SORBS3: variants seen among roughly 807,000 people sequenced by gnomAD.
SORBS3 encodes the protein vinexin.
In SORBS3, 69 loss-of-function variants were observed where a neutral mutation model predicts 98.0. That is an observed-to-expected ratio of 0.70 (90% CI 0.58 to 0.86). SORBS3 has a LOEUF of 0.86. SORBS3 is among the 40% of genes least tolerant of loss of function. The probability of loss-of-function intolerance (pLI) is 0.00; values close to 1 mark genes in which losing one functional copy is unlikely to be tolerated. For missense variants in SORBS3, 954 were observed against 908.5 expected (o/e 1.05, Z -0.64); for synonymous variants, 394 against 355.4 (o/e 1.11, Z -1.22).
Position 22,555,188 on chromosome 8 carries a change from C to A in SORBS3, c.220+208C>A, listed in dbSNP as rs960533932. On this transcript the variant is annotated intron_variant, in intron 3 of 20. Transcript: ENST00000240123. ...GAGACACCCGCTTGGGGAGAGCAGG[C>A]TGATGCATCCCTTCCCCTGCCCTCC... is the stretch of plus-strand genomic sequence containing the variant. 8.5e-5 allele frequency among the ~76,000 whole-genome samples: 13 copies of A among 152,218 alleles called. No individual in the cohort carries two copies. In the South Asian group the frequency reaches 2.1e-3, roughly 24 times the overall value.
chr8:22,564,386 T>C lies in SORBS3; in HGVS notation c.762+17T>C. On this transcript the variant is annotated intron_variant, in intron 9 of 20. Coordinates refer to ENST00000240123, the MANE Select transcript of SORBS3 (RefSeq NM_005775.5). ...GGGCAGAGGGTGAGTGCTGGCTGGC[T>C]CTCGGGGTGTGCACGCACCCTCAGC... The C allele has an allele frequency of 6.2e-7, 1 of 1,613,664 alleles. No homozygotes were observed.
chr8:22,557,361 T>C (rs1419228510), intron 4 of SORBS3, among the ~76,000 whole-genome samples: 1 of 152,228 alleles, frequency 6.6e-6, no homozygotes, highest in Non-Finnish European at 1.5e-5. Flanking sequence ...GGGGATACCC[T>C]GCCCTTTTCC....
At chr8:22,555,781 G>A (rs1315654385) in intron 3 of SORBS3, among the ~76,000 whole-genome samples, 1 of 151,628 alleles carries the variant, frequency 6.6e-6, no homozygotes, top group Non-Finnish European at 1.5e-5. Context: ...AACCTGGGAG[G>A]TGGAGGTTGC....
chr8:22,546,819 A>G (rs542209890), intron 1 of SORBS3, among the ~76,000 whole-genome samples: 62 of 152,298 alleles, frequency 4.1e-4, no homozygotes, highest in African/African-American at 1.4e-3. Context: ...TGCCTCTGAA[A>G]AGTAGAAATA....
At chr8:22,567,973 A>T (rs1488706295) in intron 16 of SORBS3, among the ~76,000 whole-genome samples, 2 of 151,502 alleles carry the variant, frequency 1.3e-5, no homozygotes, top group Admixed American at 6.6e-5. Context: ...CCAGCTTCCT[A>T]AGTAGCTGGG....
At chr8:22,546,077 G>C (rs970953277) in intron 1 of SORBS3, among the ~76,000 whole-genome samples, 2 of 152,174 alleles carry the variant, frequency 1.3e-5, no homozygotes, top group African/African-American at 4.8e-5. Context: ...CTTGTGCTTA[G>C]AGATTGCCTA....
intron 15 of SORBS3, 43 bp from the exon 16 acceptor site, chr8:22,567,018 G>C (rs747878181): frequency 6.3e-7 from 1 of 1,578,416 alleles, no homozygotes; most frequent in Admixed American, 1.7e-5. Flanking sequence ...AGGAGGCTTG[G>C]GAAGGCTTCA....
intron 19 of SORBS3, 22 bp downstream of exon 19, chr8:22,571,843 T>C: frequency 6.5e-7 from 1 of 1,529,854 alleles, no homozygotes; most frequent in Non-Finnish European, 9.1e-7. Flanking sequence ...CTGAGGGCTC[T>C]TGATCAGACG....
chr8:22,557,576 C>T lies in SORBS3; in HGVS notation c.415-553C>T, dbSNP rs111756110. 5.5e-3 allele frequency among the ~76,000 whole-genome samples: 841 copies of T among 152,032 alleles called. 8 individuals are homozygous for T. The highest frequency in any genetic ancestry group is 0.018 in the African/African-American group (741 of 41,452). On this transcript the variant is annotated intron_variant, in intron 4 of 20. Transcript: ENST00000240123. ...ATCCCAGCACTTTGGGAGGTCAAGG[C>T]GGGAGGATTGCTTGAAACCAAGAGT... is the stretch of plus-strand genomic sequence containing the variant.
Position 22,564,281 on chromosome 8 carries a change from A to T in SORBS3, c.676-2A>T. ...AGCTGACACCCACCCACCTCCACGC[A>T]GGTGCTCAGACGCCGGGAAAAAGTA... On this transcript the variant is annotated splice_acceptor_variant, in intron 8 of 20. Transcript: ENST00000240123. LOFTEE classifies it high-confidence loss of function. The T allele has an allele frequency of 6.3e-7, 1 of 1,588,694 alleles. No individual in the cohort carries two copies.
chr8:22,561,140 C>G (rs1840286830), intron 5 of SORBS3, 195 bp from the exon 6 acceptor site: 2 of 534,076 alleles, frequency 3.7e-6, no homozygotes, highest in Non-Finnish European at 6.4e-6. Flanking sequence ...AGGCCCCAAG[C>G]CTGCCAGAGG....
Position 22,571,751 on chromosome 8 carries a change from T to C in SORBS3, c.1777T>C (p.Ser593Pro), listed in dbSNP as rs1384501897. Reference sequence around the variant, plus strand: ...CACCCCTGGTCCAGCTCTGTCCCACTCTCGAGGTCCCAGCCATCCCCTGGA... The same window carrying C: ...CACCCCTGGTCCAGCTCTGTCCCACCCTCGAGGTCCCAGCCATCCCCTGGA... ...LGTPGPALSHSRGPSHPLDLG... is the reference protein window; with the variant it reads ...LGTPGPALSHPRGPSHPLDLG... The change falls in exon 19 of 21, where the codon TCT becomes CCT. Residue 593 changes from serine to proline, a missense_variant. Transcript: ENST00000240123. The C allele has an allele frequency of 1.2e-6, 2 of 1,613,718 alleles. No individual in the cohort carries two copies. Among genetic ancestry groups the C allele is most frequent in the African/African-American group, 1.3e-5 (1 of 74,860 alleles).
chr8:22,570,541 C>T (rs968121272), intron 17 of SORBS3, among the ~76,000 whole-genome samples: 2 of 152,208 alleles, frequency 1.3e-5, no homozygotes, highest in Non-Finnish European at 2.9e-5. Context: ...CTCAGAGAGA[C>T]AGAGCAGGCT....
chr8:22,564,135 C>G (rs1840353353), intron 8 of SORBS3, 58 bp downstream of exon 8: 2 of 1,549,284 alleles, frequency 1.3e-6, no homozygotes, highest in Non-Finnish European at 1.8e-6. Context: ...TGGCCAAGAC[C>G]CTATGCCACG....
At chr8:22,562,246 G>T (rs1840313010) in intron 7 of SORBS3, among the ~76,000 whole-genome samples, 1 of 152,232 alleles carries the variant, frequency 6.6e-6, no homozygotes, top group Admixed American at 6.5e-5. Context: ...CCGGTCTTAT[G>T]AGACCGGGAG....
At chr8:22,550,547 C>T (rs1004952600), upstream of SORBS3, among the ~76,000 whole-genome samples, 1 of 152,224 alleles carries the variant, frequency 6.6e-6, no homozygotes, top group South Asian at 2.1e-4. Flanking sequence ...TCTCCTCCAG[C>T]TTTCACATGT....
chr8:22,567,196 C>CA (rs757394670), intron 16 of SORBS3, 21 bp downstream of exon 16: 41 of 1,078,668 alleles, frequency 3.8e-5, no homozygotes, highest in Non-Finnish European at 8.5e-6. Context: ...GAGACAAGAG[C>CA]AAGTGGGGCT....
At chr8:22,561,446 G>C in intron 6 of SORBS3, 73 bp downstream of exon 6, 1 of 1,547,894 alleles carries the variant, frequency 6.5e-7, no homozygotes, top group Non-Finnish European at 8.9e-7. Flanking sequence ...GCTGGGACTC[G>C]CAGCCCCGCC....
chr8:22,573,174 CA>C (rs1218932121), intron 20 of SORBS3, among the ~76,000 whole-genome samples: 1 of 152,212 alleles, frequency 6.6e-6, no homozygotes, highest in Non-Finnish European at 1.5e-5. Context: ...AGCTGCCAGC[CA>C]GCTGTACTGA....
Sources: gnomAD v4.1 joint callset for allele counts (sites outside exome capture counted in the v4.1 genomes callset) on GRCh38, gnomAD v4.1.1 for gene constraint, MANE v1.5 for transcripts, NCBI Gene and HGNC (gene_info 2026-07-23, HGNC 2026-07-21) for gene names.